EBF2: variants seen among roughly 807,000 people sequenced by gnomAD.
The protein encoded by EBF2 is EBF transcription factor 2, also known as transcription factor COE2.
A neutral mutation model predicts 72.8 loss-of-function variants in EBF2; 21 were observed. The ratio of observed to expected loss-of-function variants is 0.29; its 90% confidence interval spans 0.20 to 0.42. The LOEUF (loss-of-function observed/expected upper bound fraction) is 0.42, where lower values mean the gene tolerates loss of function less well. EBF2 is among the 10% of genes least tolerant of loss of function. The pLI is 1.00. For missense variants in EBF2, 637 were observed against 731.2 expected (o/e 0.87, Z 1.49); for synonymous variants, 299 against 274.2 (o/e 1.09, Z -0.89).
chr8:25,857,632 A>C (rs946746700), intron 14 of EBF2, among the ~76,000 whole-genome samples: 1 of 152,162 alleles, frequency 6.6e-6, no homozygotes, highest in African/African-American at 2.4e-5. Flanking sequence ...ATACCTCCCA[A>C]AGCAACCCAA....
chr8:26,000,674 C>A (rs1198674479), intron 6 of EBF2, among the ~76,000 whole-genome samples: 1 of 152,206 alleles, frequency 6.6e-6, no homozygotes, highest in Non-Finnish European at 1.5e-5. Flanking sequence ...CATATGGAAA[C>A]ACCTGGGATC....
chr8:26,003,939 A>G (rs544470429), intron 6 of EBF2, among the ~76,000 whole-genome samples: 73 of 152,236 alleles, frequency 4.8e-4, no homozygotes, highest in African/African-American at 1.7e-3. Flanking sequence ...GACCAGGGGT[A>G]GTTTGTAGCA....
At chr8:25,918,257 T>C (rs1017994433) in intron 6 of EBF2, among the ~76,000 whole-genome samples, 18 of 152,228 alleles carry the variant, frequency 1.2e-4, no homozygotes, top group African/African-American at 4.3e-4. Context: ...TGCATCTATG[T>C]AATGTTATAT....
intron 6 of EBF2, chr8:26,031,832 G>C (rs900657892): frequency 6.6e-6 from 1 of 152,126 alleles, no homozygotes; most frequent in African/African-American, 2.4e-5. Context: ...AGATTTTTCA[G>C]CTAGATGAGG....
intron 14 of EBF2, 111 bp from the exon 15 acceptor site, chr8:25,850,872 G>T (rs1434651071): frequency 9.4e-6 from 12 of 1,281,662 alleles, no homozygotes; most frequent in Non-Finnish European, 1.0e-5. Flanking sequence ...GTTCCAGATT[G>T]CAGGGATTAA....
intron 13 of EBF2, 77 bp downstream of exon 13, chr8:25,860,958 GACCATTATGACCCA>G (rs1228309111): frequency 9.3e-6 from 13 of 1,404,090 alleles, no homozygotes; most frequent in African/African-American, 1.4e-5. Context: ...CACTCTGTTG[GACCATTATGACCCA>G]ACCTCTGACT....
At chr8:25,944,076 C>T (rs574073212) in intron 6 of EBF2, among the ~76,000 whole-genome samples, 2 of 152,174 alleles carry the variant, frequency 1.3e-5, no homozygotes, top group South Asian at 2.1e-4. Context: ...AAAGTCAACT[C>T]CTTATAGTTT....
chr8:25,902,433 C>T (rs1358750584), intron 7 of EBF2, among the ~76,000 whole-genome samples: 1 of 151,994 alleles, frequency 6.6e-6, no homozygotes, highest in Admixed American at 6.6e-5. Context: ...CTTTGAGGAG[C>T]CCTGGAAATC....
chr8:25,971,892 C>A (rs892867062), intron 6 of EBF2, among the ~76,000 whole-genome samples: 14 of 152,170 alleles, frequency 9.2e-5, no homozygotes, highest in Non-Finnish European at 1.9e-4. Context: ...GCTCGAGCGG[C>A]CCCTCCAAGA....
intron 6 of EBF2, among the ~76,000 whole-genome samples, chr8:25,939,829 A>G (rs550705333): frequency 5.9e-5 from 9 of 152,368 alleles, no homozygotes; most frequent in African/African-American, 1.9e-4. Context: ...TCCAGAGAAC[A>G]GAAATGAGGG....
At chr8:26,032,504 A>G (rs1476863922) in intron 6 of EBF2, 4 of 152,120 alleles carry the variant, frequency 2.6e-5, no homozygotes, top group African/African-American at 9.7e-5. Context: ...TCTGTTTCCA[A>G]TCACAAAAAA....
At chr8:26,025,107 A>C (rs1457608713) in intron 6 of EBF2, among the ~76,000 whole-genome samples, 2 of 152,282 alleles carry the variant, frequency 1.3e-5, no homozygotes, top group East Asian at 3.9e-4. Context: ...TTATATTGGC[A>C]GAGTGCTTGT....
chr8:26,003,465 G>A (rs1041085996), intron 6 of EBF2, among the ~76,000 whole-genome samples: 8 of 152,182 alleles, frequency 5.3e-5, no homozygotes, highest in Non-Finnish European at 1.2e-4. Context: ...ATGTAGGTAA[G>A]GCAGCAGGTA....
intron 7 of EBF2, among the ~76,000 whole-genome samples, chr8:25,904,874 G>A (rs925453923): frequency 1.3e-5 from 2 of 152,132 alleles, no homozygotes; most frequent in African/African-American, 4.8e-5. Context: ...ATTCTTTTGT[G>A]CACCAAAGGA....
intron 6 of EBF2, among the ~76,000 whole-genome samples, chr8:25,938,078 A>C (rs1803608682): frequency 6.6e-6 from 1 of 152,186 alleles, no homozygotes; most frequent in Non-Finnish European, 1.5e-5. Flanking sequence ...GTGGCATGGA[A>C]TATTTTGAGC....
intron 6 of EBF2, among the ~76,000 whole-genome samples, chr8:25,909,488 G>A (rs917450774): frequency 2.0e-5 from 3 of 151,096 alleles, no homozygotes; most frequent in African/African-American, 7.3e-5. Flanking sequence ...CTATGACAAC[G>A]AAATTTTACC....
intron 6 of EBF2, among the ~76,000 whole-genome samples, chr8:25,941,622 C>G (rs113655291): frequency 1.8e-4 from 27 of 152,208 alleles, no homozygotes; most frequent in African/African-American, 6.0e-4. Flanking sequence ...AACCATGACT[C>G]CTCCTCCATC....
At chr8:25,984,903 A>G (rs1804422583) in intron 6 of EBF2, among the ~76,000 whole-genome samples, 1 of 149,624 alleles carries the variant, frequency 6.7e-6, no homozygotes, top group African/African-American at 2.5e-5. Flanking sequence ...CCACCTCCTG[A>G]AACTGAGAAA....
intron 1 of EBF2, among the ~76,000 whole-genome samples, chr8:26,042,606 C>CG (rs1477017719): frequency 6.6e-6 from 1 of 152,162 alleles, no homozygotes; most frequent in African/African-American, 2.4e-5. Flanking sequence ...CGTCCTATAC[C>CG]GTGGGGCTGT....
Sources: allele counts gnomAD v4.1 joint callset (sites outside exome capture counted in the v4.1 genomes callset), GRCh38; gene constraint gnomAD v4.1.1; transcripts MANE v1.5; gene names NCBI Gene and HGNC (gene_info 2026-07-23, HGNC 2026-07-21).